Variants in CCDC73 observed in about 807,000 individuals in gnomAD.
The protein encoded by CCDC73 is coiled-coil domain containing 73, also known as coiled-coil domain-containing protein 73.
Under a neutral mutation model 116.5 loss-of-function variants are expected in CCDC73, and 95 were observed. The ratio of observed to expected loss-of-function variants is 0.82; its 90% CI spans 0.69 to 0.97. The LOEUF (loss-of-function observed/expected upper bound fraction) is 0.97. CCDC73 is among the 50% of genes least tolerant of loss of function. The pLI, the probability that CCDC73 is intolerant of heterozygous loss-of-function variation, is 0.00. For missense variants in CCDC73, 1,066 were observed against 1,206.8 expected (o/e 0.88, Z 1.73); for synonymous variants, 398 against 401.3 (o/e 0.99, Z 0.10).
At chr11:32,620,145 A>G (rs922294419) in intron 14 of CCDC73, among the ~76,000 whole-genome samples, 1 of 152,108 alleles carries the variant, frequency 6.6e-6, no homozygotes, top group South Asian at 2.1e-4. Flanking sequence ...TGAGGTTCCA[A>G]TCAAGCTATC....
intron 6 of CCDC73, among the ~76,000 whole-genome samples, chr11:32,687,824 T>C (rs1856216862): frequency 6.6e-6 from 1 of 152,154 alleles, no homozygotes; most frequent in Non-Finnish European, 1.5e-5. Context: ...GAAATGGTTT[T>C]TTCCAGGGCA....
At chr11:32,798,347 G>A (rs147240673), upstream of CCDC73, among the ~76,000 whole-genome samples, 2 of 152,260 alleles carry the variant, frequency 1.3e-5, no homozygotes, top group South Asian at 4.1e-4. Flanking sequence ...AGGCTGGAGT[G>A]CAGTGGCACA....
chr11:32,680,501 A>G (rs780209012), intron 7 of CCDC73: 15 of 152,152 alleles, frequency 9.9e-5, no homozygotes, highest in Non-Finnish European at 1.5e-4. Context: ...ATGAAAGTCA[A>G]GATTAGCGGA....
rs530703046 is a variant in CCDC73, at chr11:32,616,050, G to C, written c.1265C>G (p.Thr422Ser). The C allele has an allele frequency of 4.4e-6, 7 of 1,601,952 alleles. No individual in the cohort carries two copies. The South Asian group carries it at 6.8e-5, about 16-fold the overall frequency. ...ATTTTCTTCCCTTATTTCTTGCTCA[G>C]TATTATATTTCTGTATAATGGTGTT... ...SENTIIQKYN[T>S]EQEIREENME... Residue 422 changes from threonine (T) to serine (S), a missense_variant, in exon 15 of 18, where the codon ACT (threonine) becomes AGT (serine). Transcript: ENST00000335185.
intron 14 of CCDC73, among the ~76,000 whole-genome samples, chr11:32,632,239 T>G (rs1855637993): frequency 6.6e-6 from 1 of 152,180 alleles, no homozygotes; most frequent in South Asian, 2.1e-4. Context: ...TTGTTTGTTT[T>G]CTTTGAGACG....
In CCDC73 at chr11:32,721,111, G is replaced by A. The variant is rs571775061; in HGVS notation, c.136-2964C>T. 1.4e-4 allele frequency among the ~76,000 whole-genome samples: 22 copies of A among 152,160 alleles called. 1 individual carries two copies. In the South Asian group the frequency reaches 4.4e-3, roughly 30 times the overall value. ...GCAATTTTGGCTCACTGCAACCTCCGCATCCCAGGTTCAAGCAATTCTCCT... is the reference window on the plus strand; with the variant it reads ...GCAATTTTGGCTCACTGCAACCTCCACATCCCAGGTTCAAGCAATTCTCCT... On this transcript the variant is annotated intron_variant, in intron 2 of 17. Coordinates refer to ENST00000335185, the MANE Select transcript of CCDC73 (RefSeq NM_001008391.4).
At chr11:32,755,293 T>A (rs1292412496) in intron 2 of CCDC73, among the ~76,000 whole-genome samples, 2 of 144,716 alleles carry the variant, frequency 1.4e-5, no homozygotes. Flanking sequence ...CCCAGCACTT[T>A]GGGAGGCTGA....
chr11:32,757,831 G>A (rs1162566615), intron 2 of CCDC73, among the ~76,000 whole-genome samples: 4 of 152,046 alleles, frequency 2.6e-5, no homozygotes, highest in Non-Finnish European at 5.9e-5. Context: ...GGGCCCATTC[G>A]AATAATCCAG....
chr11:32,716,971 G>A (rs961209175), intron 3 of CCDC73, among the ~76,000 whole-genome samples: 2 of 152,156 alleles, frequency 1.3e-5, no homozygotes, highest in Non-Finnish European at 2.9e-5. Flanking sequence ...CTTGAAATTA[G>A]TTGTACTTAG....
At chr11:32,622,235 A>G (rs1256511826) in intron 14 of CCDC73, among the ~76,000 whole-genome samples, 1 of 152,194 alleles carries the variant, frequency 6.6e-6, no homozygotes, top group Non-Finnish European at 1.5e-5. Flanking sequence ...CACTATTCGC[A>G]ATAGCAAAGA....
intron 1 of CCDC73, among the ~76,000 whole-genome samples, chr11:32,779,543 T>C (rs1850564780): frequency 6.6e-6 from 1 of 152,216 alleles, no homozygotes; most frequent in Non-Finnish European, 1.5e-5. Context: ...GCCAAAAGGC[T>C]ATAGGCAGCT....
chr11:32,791,976 CCA>C (rs901643135), intron 1 of CCDC73, among the ~76,000 whole-genome samples: 6 of 123,100 alleles, frequency 4.9e-5, no homozygotes, highest in Non-Finnish European at 6.9e-5. Flanking sequence ...AAAAAAAAAA[CCA>C]CACACACACA....
At chr11:32,739,743 G>A (rs890971271) in intron 2 of CCDC73, among the ~76,000 whole-genome samples, 52 of 151,972 alleles carry the variant, frequency 3.4e-4, no homozygotes, top group African/African-American at 1.2e-3. Flanking sequence ...AATAACAGTG[G>A]GCATCCTTGT....
chr11:32,626,773 G>T (rs1855578044), intron 14 of CCDC73, among the ~76,000 whole-genome samples: 1 of 152,196 alleles, frequency 6.6e-6, no homozygotes, highest in Non-Finnish European at 1.5e-5. Flanking sequence ...CTAGCCACAT[G>T]TAGAAAGCTG....
chr11:32,614,304 T>C lies in CCDC73; in HGVS notation c.2014A>G (p.Ser672Gly). 1.9e-6 allele frequency: 3 copies of C among 1,611,756 alleles called. No homozygotes were observed. Among genetic ancestry groups the C allele is most frequent in the East Asian group, 2.2e-5 (1 of 44,804 alleles). Residue 672 changes from serine to glycine, a missense_variant, in exon 16 of 18, where the codon AGT becomes GGT. By Grantham distance (56) the Ser-to-Gly change is moderately conservative (BLOSUM62 0). Coordinates refer to ENST00000335185, the MANE Select transcript of CCDC73 (RefSeq NM_001008391.4). Reference protein sequence around the residue: ...IKQIQLLTKKSECSILLSKQT... With the variant: ...IKQIQLLTKKGECSILLSKQT... ...TTAGAAAGTAATATGCTGCACTCAC[T>C]TTTTTTAGTTAACAGTTGTATTTGT...
At chr11:32,629,362 T>A (rs1855606423) in intron 14 of CCDC73, among the ~76,000 whole-genome samples, 1 of 151,184 alleles carries the variant, frequency 6.6e-6, no homozygotes, top group Admixed American at 6.6e-5. Context: ...ATAATCAAAC[T>A]GCTTGAAAAC....
chr11:32,778,089 A>T (rs959244399), intron 1 of CCDC73, among the ~76,000 whole-genome samples: 4 of 152,236 alleles, frequency 2.6e-5, no homozygotes, highest in African/African-American at 9.6e-5. Flanking sequence ...TAATAAAAAC[A>T]TGTTAAAACA....
At chr11:32,625,501 C>T (rs953719134) in intron 14 of CCDC73, among the ~76,000 whole-genome samples, 1 of 152,206 alleles carries the variant, frequency 6.6e-6, no homozygotes, top group Admixed American at 6.5e-5. Context: ...TTAGCATTTG[C>T]TTGTCTGTAA....
intron 12 of CCDC73, among the ~76,000 whole-genome samples, chr11:32,645,216 T>C (rs2133253566): frequency 6.6e-6 from 1 of 152,078 alleles, no homozygotes; most frequent in Non-Finnish European, 1.5e-5. Flanking sequence ...ATCATAATAC[T>C]CCCTTTTCTG....
Sources: allele counts gnomAD v4.1 joint callset (sites outside exome capture counted in the v4.1 genomes callset), GRCh38; gene constraint gnomAD v4.1.1; transcripts MANE v1.5; gene names NCBI Gene and HGNC (gene_info 2026-07-23, HGNC 2026-07-21).